Variants in USP7 observed in about 807,000 individuals in gnomAD.
USP7 encodes ubiquitin specific peptidase 7, also known as ubiquitin C-terminal hydrolase 7.
In USP7, 9 loss-of-function variants were observed where a neutral mutation model predicts 162.9. That is an observed-to-expected ratio of 0.06 (90% confidence interval 0.03 to 0.10). USP7 has a LOEUF of 0.10. USP7 is among the 10% of genes least tolerant of loss of function. The pLI, the probability that USP7 is intolerant of heterozygous loss-of-function variation, is 1.00. For synonymous variants in USP7, 562 were observed against 475.9 expected, an observed-to-expected ratio of 1.18 and a Z score of -2.35; for missense variants, 715 against 1,373.7, an observed-to-expected ratio of 0.52 and a Z score of 7.58.
Position 8,893,883 on chromosome 16 carries a change from C to T in USP7, c.*115G>A, listed in dbSNP as rs2061642109. 2 of 883,390 alleles carry T rather than the reference C, an allele frequency of 2.3e-6. No homozygotes were observed. Among genetic ancestry groups the T allele is most frequent in the East Asian group, 4.9e-5 (2 of 41,046 alleles). 54.7% of individuals were successfully genotyped at this position (883,390 alleles called of 1,614,324 possible). On this transcript the variant is annotated 3_prime_UTR_variant, in exon 31 of 31. Coordinates refer to ENST00000344836, the MANE Select transcript of USP7 (RefSeq NM_003470.3). ...CAGCCTCAATAAAATAAAATTAACA[C>T]CAGCAGCGAATCCTCTTGCTGAAGA...
chr16:8,908,273 GC>G, intron 12 of USP7, 67 bp downstream of exon 12: 1 of 1,251,482 alleles, frequency 8.0e-7, no homozygotes, highest in Non-Finnish European at 1.2e-6. Context: ...ACTGAGGAAA[GC>G]ACTGAGACTA....
intron 1 of USP7, among the ~76,000 whole-genome samples, chr16:8,962,112 C>G (rs1184493521): frequency 6.6e-6 from 1 of 152,176 alleles, no homozygotes; most frequent in South Asian, 2.1e-4. Context: ...TTGGAGCCAC[C>G]GCACAGGACA....
chr16:8,901,991 G>A (rs1350085450), intron 18 of USP7, 91 bp downstream of exon 18: 1 of 1,055,276 alleles, frequency 9.5e-7, no homozygotes, highest in Non-Finnish European at 1.4e-6. Flanking sequence ...TTCTGCAAGG[G>A]AAGAAGGCTT....
intron 1 of USP7, chr16:8,962,481 G>T (rs974258746): frequency 2.2e-6 from 1 of 449,624 alleles, no homozygotes; most frequent in Non-Finnish European, 4.5e-6. Flanking sequence ...GTTACCTTTC[G>T]AGTCAGGTTT....
At chr16:8,944,127 G>A (rs567763679) in intron 1 of USP7, among the ~76,000 whole-genome samples, 6 of 151,986 alleles carry the variant, frequency 3.9e-5, no homozygotes, top group African/African-American at 1.2e-4. Flanking sequence ...TCCCTCTGAG[G>A]AACAGAAACT....
intron 1 of USP7, among the ~76,000 whole-genome samples, chr16:8,938,401 C>T (rs1385168263): frequency 1.3e-5 from 2 of 151,552 alleles, no homozygotes; most frequent in Non-Finnish European, 2.9e-5. Context: ...TCTGTGGATT[C>T]AACAAACCGC....
intron 16 of USP7, 151 bp from the exon 17 acceptor site, chr16:8,902,633 TA>T (rs2061793540): frequency 1.4e-6 from 1 of 692,820 alleles, no homozygotes; most frequent in African/African-American, 1.8e-5. Flanking sequence ...CTCTCGCCTG[TA>T]ATCCCAGCAC....
intron 23 of USP7, 127 bp downstream of exon 23, chr16:8,898,994 A>G: frequency 9.7e-7 from 1 of 1,035,788 alleles, no homozygotes; most frequent in Middle Eastern, 2.1e-4. Flanking sequence ...ACAATTCTGA[A>G]ACTAAGCAAG....
At chr16:8,960,594 G>C (rs1320042278) in intron 1 of USP7, among the ~76,000 whole-genome samples, 1 of 152,164 alleles carries the variant, frequency 6.6e-6, no homozygotes, top group African/African-American at 2.4e-5. Flanking sequence ...AAGCTGTTCA[G>C]ACCCTGACAG....
chr16:8,902,325 GAGGACTA>G, intron 17 of USP7, 49 bp downstream of exon 17: 2 of 1,592,782 alleles, frequency 1.3e-6, no homozygotes, highest in Non-Finnish European at 1.7e-6. Context: ...ACTAAGTGCA[GAGGACTA>G]ACGCCTTCTG....
At chr16:8,924,398 AT>A (rs1334456708) in intron 2 of USP7, among the ~76,000 whole-genome samples, 4 of 152,266 alleles carry the variant, frequency 2.6e-5, no homozygotes, top group African/African-American at 9.6e-5. Context: ...CTATCTCATT[AT>A]AGTCTGCACA....
In USP7 at chr16:8,920,444, C is replaced by T; in HGVS notation, c.526G>A (p.Val176Met). The T allele has an allele frequency of 6.2e-7, 1 of 1,610,798 alleles. No homozygotes were observed. The highest frequency in any genetic ancestry group is 8.5e-7 in the Non-Finnish European group (1 of 1,178,964). The stretch of plus-strand genomic sequence containing the variant: ...ATAAATCCTTTCTCAGGATCGGTCA[C>T]TTCCTATAAAACATAAATAAGAATA... ...GFSNFMAWSE[V>M]TDPEKGFIDD... The change falls in exon 5 of 31, where the codon GTG becomes ATG. Residue 176 changes from valine (V) to methionine (M), a missense_variant. Physicochemically the swap from Val to Met is conservative, Grantham distance 21. Coordinates refer to ENST00000344836, the MANE Select transcript of USP7 (RefSeq NM_003470.3).
intron 8 of USP7, 108 bp from the exon 9 acceptor site, chr16:8,915,633 T>C (rs1897333855): frequency 3.0e-6 from 3 of 984,252 alleles, no homozygotes; most frequent in South Asian, 1.6e-5. Context: ...TTGTAGACTA[T>C]AAAAATATGA....
intron 2 of USP7, among the ~76,000 whole-genome samples, chr16:8,929,171 C>T (rs1409053873): frequency 4.6e-5 from 7 of 152,334 alleles, no homozygotes; most frequent in Admixed American, 1.3e-4. Context: ...TGATCCCAAA[C>T]GCACACCTAG....
At chr16:8,942,521 C>G (rs1270428759) in intron 1 of USP7, among the ~76,000 whole-genome samples, 1 of 152,170 alleles carries the variant, frequency 6.6e-6, no homozygotes, top group Non-Finnish European at 1.5e-5. Context: ...CTCTGAATCC[C>G]TCTGGTCTTA....
chr16:8,931,187 C>T (rs1280880044), intron 1 of USP7, among the ~76,000 whole-genome samples: 3 of 149,834 alleles, frequency 2.0e-5, no homozygotes, highest in African/African-American at 7.3e-5. Context: ...TGAACACATG[C>T]ATCTTTTTTT....
chr16:8,945,120 G>C (rs1431186284), intron 1 of USP7, among the ~76,000 whole-genome samples: 1 of 152,194 alleles, frequency 6.6e-6, no homozygotes, highest in Admixed American at 6.5e-5. Context: ...GCTGGGTGTG[G>C]TGGCGGGCGC....
rs1567212542 is a variant in USP7, at chr16:8,904,513, C to A, written c.1626G>T (p.Glu542Asp). ...TDHDIPQQLV[E>D]RLQEEKRIEA... The stretch of plus-strand genomic sequence containing the variant: ...CGATCCTTTTCTCTTCTTGTAATCG[C>A]TCCACCAACTGCTGAGGAATATCAT... The change falls in exon 15 of 31, where the codon GAG becomes GAT. Residue 542 changes from glutamate (E) to aspartate (D), a missense_variant. Physicochemically the swap from Glu to Asp is conservative, Grantham distance 45. Coordinates refer to ENST00000344836, the MANE Select transcript of USP7 (RefSeq NM_003470.3). The A allele has an allele frequency of 3.1e-6, 5 of 1,614,208 alleles. No individual in the cohort carries two copies. Among genetic ancestry groups the A allele is most frequent in the Non-Finnish European group, 3.4e-6 (4 of 1,180,038 alleles).
chr16:8,949,302 C>T (rs185939297), intron 1 of USP7, among the ~76,000 whole-genome samples: 1 of 152,298 alleles, frequency 6.6e-6, no homozygotes, highest in African/African-American at 2.4e-5. Context: ...GTGGCACGTT[C>T]CACTGGGATT....
Sources: gnomAD v4.1 joint callset for allele counts (sites outside exome capture counted in the v4.1 genomes callset) on GRCh38, gnomAD v4.1.1 for gene constraint, MANE v1.5 for transcripts, NCBI Gene and HGNC (gene_info 2026-07-23, HGNC 2026-07-21) for gene names.